Variants in VIPR2 observed in about 807,000 individuals in gnomAD.
VIPR2 encodes vasoactive intestinal polypeptide receptor 2.
Under a neutral mutation model 58.0 loss-of-function variants are expected in VIPR2, and 48 were observed. The observed-to-expected ratio is 0.83, with a 90% CI of 0.66 to 1.05. The LOEUF (loss-of-function observed/expected upper bound fraction) is 1.05, where lower values mean the gene tolerates loss of function less well. VIPR2 is among the 50% of genes least tolerant of loss of function. The probability of loss-of-function intolerance (pLI) is 0.00; values close to 1 mark genes in which losing one functional copy is unlikely to be tolerated. For missense variants in VIPR2, 534 were observed against 558.0 expected, an observed-to-expected ratio of 0.96 and a Z score of 0.43; for synonymous variants, 243 against 235.2, an observed-to-expected ratio of 1.03 and a Z score of -0.30.
At chr7:159,048,820 C>T (rs931397269) in intron 5 of VIPR2, among the ~76,000 whole-genome samples, 2 of 152,144 alleles carry the variant, frequency 1.3e-5, no homozygotes, top group African/African-American at 2.4e-5. Context: ...TGTCAAACTC[C>T]TCCACAGCCA....
intron 5 of VIPR2, among the ~76,000 whole-genome samples, chr7:159,054,978 A>G (rs1855223245): frequency 6.6e-6 from 1 of 152,226 alleles, no homozygotes; most frequent in Non-Finnish European, 1.5e-5. Context: ...ATATACACAC[A>G]TACCTAAAGT....
chr7:159,061,106 A>G (rs902430441), intron 4 of VIPR2, among the ~76,000 whole-genome samples: 14 of 152,190 alleles, frequency 9.2e-5, no homozygotes, highest in Non-Finnish European at 1.5e-4. Flanking sequence ...GGAGGCCATC[A>G]TCCTAAGCCA....
At position 159,119,895 on chromosome 7, in the gene VIPR2, G is replaced by A. The variant is rs112782245; in HGVS notation, c.152-9976C>T. Among the ~76,000 whole-genome samples, 1,003 of 147,384 alleles carry A rather than the reference G, an allele frequency of 6.8e-3. 13 individuals are homozygous for A. Among genetic ancestry groups the A allele is most frequent in the African/African-American group, 0.023 (930 of 39,906 alleles). ...CCTGGTAGGTGGGGTTGGAAGAAAC[G>A]CCTGTCCCCTTGATGCACAAAGCCT... is the stretch of plus-strand genomic sequence containing the variant. On this transcript the variant is annotated intron_variant, in intron 2 of 12. Coordinates refer to ENST00000262178, the MANE Select transcript of VIPR2 (RefSeq NM_003382.5).
rs1185350723 is a variant in VIPR2, at chr7:159,096,178, C to T, written c.357+7579G>A. Among the ~76,000 whole-genome samples the T allele has an allele frequency of 2.6e-5, 4 of 152,284 alleles. No individual in the cohort carries two copies. The highest frequency in any genetic ancestry group is 4.1e-4 in the South Asian group (2 of 4,824). On this transcript the variant is annotated intron_variant, in intron 4 of 12. Coordinates refer to ENST00000262178, the MANE Select transcript of VIPR2 (RefSeq NM_003382.5). The surrounding 1 kb of genome is among the most constrained non-coding windows in gnomAD (Gnocchi z 5.5). ...CCAGAGCACAATGCCGGAGGTCCCA[C>T]CCAAGGCTGCCCAAGCCCAAAGACA...
Position 159,061,907 on chromosome 7 carries a change from C to T in VIPR2, c.358-3329G>A, listed in dbSNP as rs548774518. 2.0e-5 allele frequency among the ~76,000 whole-genome samples: 3 copies of T among 152,236 alleles called. No individual in the cohort carries two copies. The South Asian group carries it at 6.2e-4, about 32-fold the overall frequency. On this transcript the variant is annotated intron_variant, in intron 4 of 12. Coordinates refer to ENST00000262178, the MANE Select transcript of VIPR2 (RefSeq NM_003382.5). ...CGCACTGCTAGCGGGAGAAGCCTGC[C>T]GCTCTGGGATCCCGGTGGGAGGGGA...
At chr7:159,132,735 C>T (rs1438287715) in intron 2 of VIPR2, among the ~76,000 whole-genome samples, 9 of 151,728 alleles carry the variant, frequency 5.9e-5, no homozygotes, top group Admixed American at 2.0e-4. Context: ...GCAAACCACG[C>T]AATATATTTT....
intron 5 of VIPR2, among the ~76,000 whole-genome samples, chr7:159,058,207 T>C (rs1381929477): frequency 6.6e-6 from 1 of 152,228 alleles, no homozygotes; most frequent in Non-Finnish European, 1.5e-5. Context: ...ATTTTTTCTG[T>C]ATTTTCCACG....
chr7:159,073,621 C>T (rs1856508067), intron 4 of VIPR2, among the ~76,000 whole-genome samples: 1 of 152,178 alleles, frequency 6.6e-6, no homozygotes, highest in Admixed American at 6.5e-5. Flanking sequence ...GTTACCCAGG[C>T]TGGTCTTGAA....
At chr7:159,043,464 T>TA (rs916269854) in intron 5 of VIPR2, among the ~76,000 whole-genome samples, 1 of 152,110 alleles carries the variant, frequency 6.6e-6, no homozygotes, top group Non-Finnish European at 1.5e-5. Flanking sequence ...TATCAACAAT[T>TA]AAAAAACTGT....
intron 4 of VIPR2, among the ~76,000 whole-genome samples, chr7:159,086,870 T>C (rs1177048418): frequency 6.6e-6 from 1 of 152,232 alleles, no homozygotes; most frequent in East Asian, 1.9e-4. Context: ...AAAGTGCATC[T>C]TGGAGGCTGG....
chr7:159,095,826 T>A lies in VIPR2; in HGVS notation c.357+7931A>T, dbSNP rs867049179. On this transcript the variant is annotated intron_variant, in intron 4 of 12. Coordinates refer to ENST00000262178, the MANE Select transcript of VIPR2 (RefSeq NM_003382.5). This position sits in a 1 kb window ranked among gnomAD's most constrained non-coding sequence, Gnocchi z 5.2. Reference sequence around the variant, plus strand: ...AACTCTTCCTTCTCTCTTTTTTTTTTAAGTCTTTAACAGACCTCCCTAGAA... The same window carrying A: ...AACTCTTCCTTCTCTCTTTTTTTTTAAAGTCTTTAACAGACCTCCCTAGAA... 4.7e-5 allele frequency among the ~76,000 whole-genome samples: 7 copies of A among 149,712 alleles called. No individual in the cohort carries two copies. The highest frequency in any genetic ancestry group is 3.9e-4 in the East Asian group (2 of 5,110).
In VIPR2 at chr7:159,097,069, T is replaced by G. The variant is rs1325181709; in HGVS notation, c.357+6688A>C. ...CTCTGGCAGGCTCCTCCTGGCACCC[T>G]GGGAGGCTGGTGTGTCCTTGCAGGG... is the stretch of plus-strand genomic sequence containing the variant. On this transcript the variant is annotated intron_variant, in intron 4 of 12. Transcript: ENST00000262178. This position sits in a 1 kb window ranked among gnomAD's most constrained non-coding sequence, Gnocchi z 5.3. The G allele has an allele frequency of 1.3e-6, 2 of 1,544,534 alleles. No homozygotes were observed. Among genetic ancestry groups the G allele is most frequent in the Non-Finnish European group, 1.7e-6 (2 of 1,143,204 alleles).
In VIPR2 at chr7:159,030,808, G is replaced by A. The variant is rs1314687992; in HGVS notation, c.1144-19C>T. ...ACTGCACCTGGGAGGTGAGGGCAGC[G>A]GGAACGCCCGTGAGCCTGGGCAGGT... On this transcript the variant is annotated intron_variant, in intron 12 of 12. Transcript: ENST00000262178. The A allele has an allele frequency of 1.9e-6, 3 of 1,547,924 alleles. No homozygotes were observed. The highest frequency in any genetic ancestry group is 1.2e-5 in the South Asian group (1 of 83,094).
chr7:159,045,658 T>A (rs1052892136), intron 5 of VIPR2, among the ~76,000 whole-genome samples: 1 of 152,130 alleles, frequency 6.6e-6, no homozygotes, highest in Non-Finnish European at 1.5e-5. Context: ...TTCAAGACCT[T>A]TGGATTTCCT....
chr7:159,069,284 G>A (rs1856258856), intron 4 of VIPR2, among the ~76,000 whole-genome samples: 1 of 152,052 alleles, frequency 6.6e-6, no homozygotes, highest in Non-Finnish European at 1.5e-5. Context: ...TTCTCCAGGC[G>A]CTCCGAGTGA....
chr7:159,094,236 A>G (rs1388010999), intron 4 of VIPR2, among the ~76,000 whole-genome samples: 2 of 152,144 alleles, frequency 1.3e-5, no homozygotes, highest in African/African-American at 4.8e-5. Context: ...GACTCAGCAG[A>G]GGAAGAGGCC....
At chr7:159,092,807 G>A (rs1480045278) in intron 4 of VIPR2, among the ~76,000 whole-genome samples, 2 of 151,952 alleles carry the variant, frequency 1.3e-5, no homozygotes, top group Admixed American at 1.3e-4. Flanking sequence ...TTTGCAACGT[G>A]GCTTTCTGCT....
At chr7:159,136,866 C>A (rs903908120) in intron 2 of VIPR2, among the ~76,000 whole-genome samples, 7 of 152,162 alleles carry the variant, frequency 4.6e-5, no homozygotes, top group African/African-American at 7.2e-5. Context: ...CACTCGTCAC[C>A]AACCCCCACC....
rs1340933834 is a variant in VIPR2, at chr7:159,097,184, G to A, written c.357+6573C>T. On this transcript the variant is annotated intron_variant, in intron 4 of 12. Coordinates refer to ENST00000262178, the MANE Select transcript of VIPR2 (RefSeq NM_003382.5). This position sits in a 1 kb window ranked among gnomAD's most constrained non-coding sequence, Gnocchi z 5.3. ...CTGTGATCTTTGTCACCAGGGATGG[G>A]AGCCCTGGGGAGTGAAGTTTGCCAT... The A allele has an allele frequency of 3.5e-6, 5 of 1,436,598 alleles. No individual in the cohort carries two copies. The East Asian group carries it at 1.0e-4, about 29-fold the overall frequency. 89.0% of individuals were successfully genotyped at this position (1,436,598 alleles called of 1,614,324 possible). A position where few individuals can be genotyped will look rare whatever the true frequency, so the allele number is the denominator to read the frequency against.
Sources: allele counts gnomAD v4.1 joint callset (sites outside exome capture counted in the v4.1 genomes callset), GRCh38; gene constraint gnomAD v4.1.1; non-coding constraint Gnocchi (gnomAD v3.1); transcripts MANE v1.5; gene names NCBI Gene and HGNC (gene_info 2026-07-23, HGNC 2026-07-21).